Variants in EYA2 observed in about 807,000 individuals in gnomAD.
EYA2 encodes EYA transcriptional coactivator and phosphatase 2.
A neutral mutation model predicts 69.2 loss-of-function variants in EYA2; 31 were observed. That is an observed-to-expected ratio of 0.45 (90% CI 0.34 to 0.60). The LOEUF is 0.60. Among genes scored for constraint, EYA2 ranks in the 20% least tolerant of loss-of-function variants. The pLI is 0.02. For synonymous variants in EYA2, 257 were observed against 279.4 expected (o/e 0.92, Z 0.80); for missense variants, 622 against 701.2 (o/e 0.89, Z 1.28).
At chr20:47,150,209 C>CCTGG (rs1202566104) in intron 10 of EYA2, among the ~76,000 whole-genome samples, 1 of 152,206 alleles carries the variant, frequency 6.6e-6, no homozygotes, top group East Asian at 1.9e-4. Context: ...ATTCTCTGGT[C>CCTGG]CTGGCCCCTG....
Position 47,048,948 on chromosome 20 carries a change from T to C in EYA2, c.416-23237T>C, listed in dbSNP as rs528997445. 2.6e-5 allele frequency among the ~76,000 whole-genome samples: 4 copies of C among 152,310 alleles called. No individual in the cohort carries two copies. The South Asian group carries it at 8.3e-4, about 32-fold the overall frequency. Reference sequence around the variant, plus strand: ...CCAGCATTTCTGAGTTCCAACACGTTATGGTACTCAACACATTAAATGTAT... The same window carrying C: ...CCAGCATTTCTGAGTTCCAACACGTCATGGTACTCAACACATTAAATGTAT... On this transcript the variant is annotated intron_variant, in intron 5 of 15. Transcript: ENST00000327619.
At chr20:47,103,456 A>G (rs760200672) in intron 9 of EYA2, among the ~76,000 whole-genome samples, 3 of 152,242 alleles carry the variant, frequency 2.0e-5, no homozygotes, top group Non-Finnish European at 4.4e-5. Flanking sequence ...TCACATGGCT[A>G]TAAACAAATA....
intron 2 of EYA2, chr20:46,997,575 G>C (rs764692201): frequency 5.3e-5 from 8 of 152,186 alleles, no homozygotes; most frequent in African/African-American, 1.7e-4. Context: ...TCAAGCCCTG[G>C]GGGAGGATGA....
chr20:47,043,168 T>C (rs1985174162), intron 5 of EYA2, among the ~76,000 whole-genome samples: 1 of 152,164 alleles, frequency 6.6e-6, no homozygotes, highest in Admixed American at 6.5e-5. Context: ...AAAGTATGAA[T>C]GTTATATTTT....
intron 1 of EYA2, among the ~76,000 whole-genome samples, chr20:46,900,048 G>C (rs573220951): frequency 6.6e-6 from 1 of 152,284 alleles, no homozygotes; most frequent in East Asian, 1.9e-4. Context: ...TCAGTAACAT[G>C]AAAATGTGTG....
chr20:47,152,681 G>T (rs1249522700), intron 10 of EYA2, among the ~76,000 whole-genome samples: 2 of 151,498 alleles, frequency 1.3e-5, no homozygotes. Context: ...TGTGGCAGCG[G>T]GTGCCTGTAA....
At chr20:47,124,884 A>AC (rs1384363624) in intron 9 of EYA2, among the ~76,000 whole-genome samples, 1 of 151,802 alleles carries the variant, frequency 6.6e-6, no homozygotes, top group Non-Finnish European at 1.5e-5. Context: ...TTAAAAAAAA[A>AC]AAAATTCTAA....
intron 4 of EYA2, 69 bp downstream of exon 4, chr20:47,005,153 G>A: frequency 6.4e-7 from 1 of 1,551,612 alleles, no homozygotes; most frequent in Non-Finnish European, 8.8e-7. Flanking sequence ...CTGCACTATT[G>A]TCTCAGCTAA....
intron 4 of EYA2, among the ~76,000 whole-genome samples, chr20:47,014,739 ATT>A (rs1159831367): frequency 3.3e-5 from 5 of 151,444 alleles, no homozygotes; most frequent in African/African-American, 1.2e-4. Flanking sequence ...TGTTAAATAT[ATT>A]TTCTGCATGT....
At position 46,967,065 on chromosome 20, in the gene EYA2, TCACTGCAACGTCCACCTCC is replaced by T. The variant is rs576697076; in HGVS notation, c.-10-22933_-10-22915del. Among the ~76,000 whole-genome samples, 100 of 152,314 alleles carry T rather than the reference TCACTGCAACGTCCACCTCC, an allele frequency of 6.6e-4. 1 individual carries two copies. Among genetic ancestry groups the T allele is most frequent in the Middle Eastern group, 3.4e-3 (1 of 294 alleles). Reference sequence around the variant, plus strand: ...TGGAGTGCAGTGACGAAATCTCAGCTCACTGCAACGTCCACCTCCCAAGGTTCAAGTGATTCTCGTGCCT... The same window carrying T: ...TGGAGTGCAGTGACGAAATCTCAGCTCAAGGTTCAAGTGATTCTCGTGCCT... On this transcript the variant is annotated intron_variant, in intron 1 of 15. Transcript: ENST00000327619.
At chr20:47,127,997 G>A (rs2033242807) in intron 9 of EYA2, among the ~76,000 whole-genome samples, 1 of 152,146 alleles carries the variant, frequency 6.6e-6, no homozygotes, top group Admixed American at 6.5e-5. Flanking sequence ...GATCTAAAGA[G>A]GCCCTAAAGT....
chr20:46,967,688 G>A (rs956383441), intron 1 of EYA2, among the ~76,000 whole-genome samples: 1 of 152,154 alleles, frequency 6.6e-6, no homozygotes, highest in Non-Finnish European at 1.5e-5. Flanking sequence ...TGAGTAGGAA[G>A]GGATGCAACA....
intron 4 of EYA2, among the ~76,000 whole-genome samples, chr20:47,013,510 G>A (rs1230750212): frequency 1.3e-5 from 2 of 152,244 alleles, no homozygotes; most frequent in Non-Finnish European, 1.5e-5. Flanking sequence ...GACATTGCTT[G>A]AGGAAGTATG....
chr20:46,986,906 T>A lies in EYA2; in HGVS notation c.-10-3095T>A, dbSNP rs1981260992. On this transcript the variant is annotated intron_variant, in intron 1 of 15. Coordinates refer to ENST00000327619, the MANE Select transcript of EYA2 (RefSeq NM_005244.5). ...TCACGTCACATTTTAACATGAGAGT[T>A]GAAGGGGACAAAGTCCAAACCATAT... 2.0e-5 allele frequency among the ~76,000 whole-genome samples: 3 copies of A among 152,106 alleles called. No individual in the cohort carries two copies. The South Asian group carries it at 6.2e-4, about 32-fold the overall frequency.
At chr20:47,043,293 G>C (rs115245806) in intron 5 of EYA2, among the ~76,000 whole-genome samples, 4,033 of 152,236 alleles carry the variant, frequency 0.026, 194 homozygotes, top group African/African-American at 0.091. Context: ...TATTTAAGTA[G>C]GACAGGAGGC....
chr20:46,954,445 C>T (rs747658062), intron 1 of EYA2, among the ~76,000 whole-genome samples: 3 of 152,220 alleles, frequency 2.0e-5, no homozygotes, highest in Non-Finnish European at 4.4e-5. Context: ...TGTCTCAACC[C>T]ACACAGCTGT....
intron 9 of EYA2, among the ~76,000 whole-genome samples, chr20:47,140,542 TGGAG>T (rs1237815359): frequency 1.3e-5 from 2 of 152,230 alleles, no homozygotes; most frequent in Admixed American, 6.5e-5. Flanking sequence ...AAGGACTGTA[TGGAG>T]CAAGGGGACA....
At chr20:47,104,894 G>A (rs905641729) in intron 9 of EYA2, among the ~76,000 whole-genome samples, 2 of 152,108 alleles carry the variant, frequency 1.3e-5, no homozygotes, top group African/African-American at 2.4e-5. Context: ...GATGGTGCAC[G>A]TCTGTAATCC....
At chr20:47,085,993 C>T (rs1431635755) in intron 7 of EYA2, among the ~76,000 whole-genome samples, 1 of 152,128 alleles carries the variant, frequency 6.6e-6, no homozygotes, top group Non-Finnish European at 1.5e-5. Flanking sequence ...TATTGTATGT[C>T]AGTTGTGCCT....
Sources: gnomAD v4.1 joint callset for allele counts (sites outside exome capture counted in the v4.1 genomes callset) on GRCh38, gnomAD v4.1.1 for gene constraint, MANE v1.5 for transcripts, NCBI Gene and HGNC (gene_info 2026-07-23, HGNC 2026-07-21) for gene names.